ARHGAP24: variants seen among roughly 807,000 people sequenced by gnomAD.
ARHGAP24 encodes rho GTPase-activating protein 24.
Under a neutral mutation model 76.4 loss-of-function variants are expected in ARHGAP24, and 50 were observed. The ratio of observed to expected loss-of-function variants is 0.65; its 90% CI spans 0.52 to 0.83. The LOEUF is 0.83. Among genes scored for constraint, ARHGAP24 ranks in the 40% least tolerant of loss-of-function variants. The pLI is 0.00. For missense variants in ARHGAP24, 930 were observed against 914.2 expected (o/e 1.02, Z -0.22); for synonymous variants, 345 against 323.3 (o/e 1.07, Z -0.72).
At chr4:85,791,775 T>C (rs964885134) in intron 3 of ARHGAP24, among the ~76,000 whole-genome samples, 12 of 152,286 alleles carry the variant, frequency 7.9e-5, no homozygotes, top group African/African-American at 2.9e-4. Flanking sequence ...TGCTTGTTAG[T>C]GCAGCATAAT....
chr4:85,900,578 C>G (rs547085412), intron 3 of ARHGAP24, among the ~76,000 whole-genome samples: 23 of 152,096 alleles, frequency 1.5e-4, no homozygotes, highest in African/African-American at 5.5e-4. Context: ...GCACGTGCCA[C>G]CATGCCCAGC....
intron 3 of ARHGAP24, among the ~76,000 whole-genome samples, chr4:85,760,231 T>C (rs1351566675): frequency 6.6e-6 from 1 of 152,226 alleles, no homozygotes; most frequent in Admixed American, 6.5e-5. Context: ...GTTTAACTGG[T>C]TCAGGATTAC....
At chr4:85,933,414 G>A (rs1736460256) in intron 4 of ARHGAP24, among the ~76,000 whole-genome samples, 1 of 152,136 alleles carries the variant, frequency 6.6e-6, no homozygotes, top group East Asian at 1.9e-4. Flanking sequence ...ATTAGAGCTT[G>A]CATGTTGTGC....
At chr4:85,693,842 G>T (rs538726376) in intron 2 of ARHGAP24, among the ~76,000 whole-genome samples, 1 of 152,192 alleles carries the variant, frequency 6.6e-6, no homozygotes, top group Non-Finnish European at 1.5e-5. Context: ...TGGCCGCTAG[G>T]TGCATCAAGG....
intron 1 of ARHGAP24, among the ~76,000 whole-genome samples, chr4:85,544,397 T>C (rs1725822390): frequency 6.6e-6 from 1 of 152,208 alleles, no homozygotes; most frequent in African/African-American, 2.4e-5. Flanking sequence ...TCTTTACATT[T>C]TGGAAACCCT....
chr4:85,730,992 AC>A (rs1434650841), intron 3 of ARHGAP24, among the ~76,000 whole-genome samples: 132 of 102,678 alleles, frequency 1.3e-3, no homozygotes, highest in African/African-American at 4.2e-3. Context: ...AACTGCACAC[AC>A]ACACACACAC....
intron 3 of ARHGAP24, among the ~76,000 whole-genome samples, chr4:85,734,920 T>G (rs1560607834): frequency 6.6e-6 from 1 of 152,190 alleles, no homozygotes; most frequent in South Asian, 2.1e-4. Flanking sequence ...CTCCCACACA[T>G]AGCCTTACTG....
chr4:85,685,117 T>C (rs536360126), intron 2 of ARHGAP24, among the ~76,000 whole-genome samples: 69 of 152,358 alleles, frequency 4.5e-4, no homozygotes, highest in Non-Finnish European at 8.4e-4. Context: ...TTTAAGCTTA[T>C]CTTTTTCTAT....
At chr4:85,973,965 C>G (rs1034839226) in intron 6 of ARHGAP24, among the ~76,000 whole-genome samples, 8 of 150,664 alleles carry the variant, frequency 5.3e-5, no homozygotes, top group Non-Finnish European at 1.0e-4. Flanking sequence ...GCCTCAGCCT[C>G]CCAAGTAGCT....
intron 3 of ARHGAP24, among the ~76,000 whole-genome samples, chr4:85,920,854 T>C (rs1735680083): frequency 6.6e-6 from 1 of 152,138 alleles, no homozygotes; most frequent in Non-Finnish European, 1.5e-5. Flanking sequence ...ATGGCTATTA[T>C]TAAAAAGTCA....
chr4:85,767,461 C>G (rs1038194706), intron 3 of ARHGAP24, among the ~76,000 whole-genome samples: 1 of 151,884 alleles, frequency 6.6e-6, no homozygotes, highest in African/African-American at 2.4e-5. Context: ...TATTACATAC[C>G]CTAAAATTAC....
chr4:85,537,713 G>A (rs141219880), intron 1 of ARHGAP24, among the ~76,000 whole-genome samples: 25 of 152,268 alleles, frequency 1.6e-4, no homozygotes, highest in African/African-American at 6.0e-4. Context: ...ATGCTATCTG[G>A]CCATTAGTGG....
At chr4:85,769,667 G>C (rs1173166196) in intron 3 of ARHGAP24, among the ~76,000 whole-genome samples, 3 of 149,952 alleles carry the variant, frequency 2.0e-5, no homozygotes, top group Non-Finnish European at 4.4e-5. Flanking sequence ...TTTAAACAGA[G>C]TCTCACTCTG....
At chr4:85,651,008 A>G (rs760024414) in intron 2 of ARHGAP24, among the ~76,000 whole-genome samples, 4 of 148,284 alleles carry the variant, frequency 2.7e-5, no homozygotes, top group Non-Finnish European at 5.9e-5. Context: ...GTGACTATGG[A>G]CAACCTGAAG....
chr4:85,677,919 A>G (rs966385573), intron 2 of ARHGAP24, among the ~76,000 whole-genome samples: 2 of 152,194 alleles, frequency 1.3e-5, no homozygotes, highest in Admixed American at 6.5e-5. Flanking sequence ...GTGTGCCCGT[A>G]GTCCCAGTTA....
rs915380305 is a variant in ARHGAP24, at chr4:85,528,454, A to G, written c.-20-42068A>G. 2.6e-5 allele frequency among the ~76,000 whole-genome samples: 4 copies of G among 152,014 alleles called. No homozygotes were observed. In the East Asian group the frequency reaches 7.7e-4, roughly 29 times the overall value. On this transcript the variant is annotated intron_variant, in intron 1 of 9. Transcript: ENST00000395184. Reference sequence around the variant, plus strand: ...AAAATTTCTGGTGTTAGTGTACAATATGGATTGGAGGGAGAAAGATGGGGA... The same window carrying G: ...AAAATTTCTGGTGTTAGTGTACAATGTGGATTGGAGGGAGAAAGATGGGGA...
intron 3 of ARHGAP24, among the ~76,000 whole-genome samples, chr4:85,841,736 A>G (rs1291755883): frequency 6.6e-6 from 1 of 152,246 alleles, no homozygotes; most frequent in African/African-American, 2.4e-5. Flanking sequence ...ACACCTGTAT[A>G]TAAAACACAT....
At position 85,861,050 on chromosome 4, in the gene ARHGAP24, C is replaced by T. The variant is rs548702438; in HGVS notation, c.269-62598C>T. On this transcript the variant is annotated intron_variant, in intron 3 of 9. Transcript: ENST00000395184. ...CACACTCTTTCAAACATAATCCTCC[C>T]ACTTCACTAGATTAAATGATTTCCT... 1.7e-3 allele frequency among the ~76,000 whole-genome samples: 256 copies of T among 151,616 alleles called. 1 individual carries two copies. Among genetic ancestry groups the T allele is most frequent in the Middle Eastern group, 6.8e-3 (2 of 292 alleles).
intron 1 of ARHGAP24, among the ~76,000 whole-genome samples, chr4:85,495,663 T>C (rs1407449914): frequency 6.6e-6 from 1 of 152,114 alleles, no homozygotes; most frequent in Non-Finnish European, 1.5e-5. Flanking sequence ...AGAAAAATTT[T>C]ACTATTATTA....
Sources: gnomAD v4.1 joint callset for allele counts (sites outside exome capture counted in the v4.1 genomes callset) on GRCh38, gnomAD v4.1.1 for gene constraint, MANE v1.5 for transcripts, NCBI Gene and HGNC (gene_info 2026-07-23, HGNC 2026-07-21) for gene names.